The following GRIA1 variants were observed in gnomAD, a reference collection of about 807,000 sequenced individuals.
GRIA1 encodes glutamate receptor 1.
Under a neutral mutation model 99.2 loss-of-function variants are expected in GRIA1, and 31 were observed. That is an observed-to-expected ratio of 0.31 (90% CI 0.23 to 0.42). The LOEUF (loss-of-function observed/expected upper bound fraction) is 0.42. GRIA1 is among the 10% of genes least tolerant of loss of function. GRIA1 has a pLI of 1.00. For missense variants in GRIA1, 782 were observed against 1,157.5 expected, an observed-to-expected ratio of 0.68 and a Z score of 4.71; for synonymous variants, 438 against 432.4, an observed-to-expected ratio of 1.01 and a Z score of -0.16.
chr5:153,749,095 G>T (rs972981465), intron 11 of GRIA1, among the ~76,000 whole-genome samples: 5 of 152,156 alleles, frequency 3.3e-5, no homozygotes, highest in Non-Finnish European at 7.3e-5. Flanking sequence ...GAGACAACCA[G>T]CAAAGATAAG....
At chr5:153,675,605 T>A (rs925318218) in intron 6 of GRIA1, among the ~76,000 whole-genome samples, 4 of 152,218 alleles carry the variant, frequency 2.6e-5, no homozygotes, top group Non-Finnish European at 5.9e-5. Context: ...TGACAGACTT[T>A]CTCTTGCCAC....
intron 2 of GRIA1, among the ~76,000 whole-genome samples, chr5:153,622,425 T>C (rs1323023897): frequency 1.3e-5 from 2 of 152,176 alleles, no homozygotes; most frequent in East Asian, 3.8e-4. Flanking sequence ...ACCCAAAACA[T>C]AATCAAATAG....
At chr5:153,524,065 C>T (rs1757391448) in intron 2 of GRIA1, among the ~76,000 whole-genome samples, 1 of 152,198 alleles carries the variant, frequency 6.6e-6, no homozygotes, top group African/African-American at 2.4e-5. Flanking sequence ...CAGTGGCTCA[C>T]GCCTGTAATC....
intron 11 of GRIA1, among the ~76,000 whole-genome samples, chr5:153,737,128 G>A (rs1318126490): frequency 6.6e-6 from 1 of 152,014 alleles, no homozygotes; most frequent in Non-Finnish European, 1.5e-5. Context: ...GGAATGTGGT[G>A]ATATGAAGTA....
At chr5:153,783,224 A>G (rs1487150034) in intron 13 of GRIA1, among the ~76,000 whole-genome samples, 1 of 152,194 alleles carries the variant, frequency 6.6e-6, no homozygotes, top group Non-Finnish European at 1.5e-5. Flanking sequence ...TCATTGAACC[A>G]GGGGTGGCTG....
chr5:153,721,209 G>T (rs1318518928), intron 11 of GRIA1, among the ~76,000 whole-genome samples: 1 of 152,170 alleles, frequency 6.6e-6, no homozygotes, highest in Admixed American at 6.5e-5. Context: ...GGTGATGCTT[G>T]TTTTTATTTA....
intron 11 of GRIA1, among the ~76,000 whole-genome samples, chr5:153,728,279 C>T (rs1389138869): frequency 6.6e-6 from 1 of 150,770 alleles, no homozygotes; most frequent in East Asian, 2.0e-4. Context: ...CCATAAAAAC[C>T]CTAGAAGAAA....
intron 11 of GRIA1, among the ~76,000 whole-genome samples, chr5:153,755,080 AC>A (rs1343387786): frequency 1.3e-5 from 2 of 152,166 alleles, no homozygotes; most frequent in African/African-American, 4.8e-5. Context: ...GAGGGGCCAA[AC>A]AAAGAGCAGT....
intron 11 of GRIA1, among the ~76,000 whole-genome samples, chr5:153,712,189 T>C (rs959067533): frequency 1.3e-5 from 2 of 152,192 alleles, no homozygotes; most frequent in African/African-American, 4.8e-5. Context: ...GTAGCTGGCA[T>C]TACAGGCGTG....
chr5:153,792,189 T>A (rs1177465228), intron 13 of GRIA1, among the ~76,000 whole-genome samples: 1 of 152,218 alleles, frequency 6.6e-6, no homozygotes, highest in Non-Finnish European at 1.5e-5. Context: ...AGTCCCTTGT[T>A]GGACCTGATT....
intron 11 of GRIA1, among the ~76,000 whole-genome samples, chr5:153,758,564 G>A (rs1439616947): frequency 6.6e-6 from 1 of 151,836 alleles, no homozygotes; most frequent in Non-Finnish European, 1.5e-5. Context: ...AAATATGTAA[G>A]CAAATATTAA....
chr5:153,559,044 T>C (rs899568922), intron 2 of GRIA1, among the ~76,000 whole-genome samples: 13 of 152,188 alleles, frequency 8.5e-5, no homozygotes, highest in African/African-American at 3.1e-4. Flanking sequence ...CTGTGTGACA[T>C]TGCCAGCCTT....
chr5:153,727,869 A>G (rs1267038975), intron 11 of GRIA1, among the ~76,000 whole-genome samples: 10 of 151,646 alleles, frequency 6.6e-5, no homozygotes, highest in Non-Finnish European at 1.0e-4. Context: ...TCTTCACAGA[A>G]TTGGAAAAAC....
intron 2 of GRIA1, among the ~76,000 whole-genome samples, chr5:153,593,140 G>T (rs778822): frequency 0.65 from 99,383 of 152,060 alleles, 34,308 homozygotes; most frequent in East Asian, 0.93. Context: ...GGTAACACAT[G>T]CCCGTAGTCG....
rs547495740 is a variant in GRIA1 at position 153,585,839 on chromosome 5, C to T, written c.221-61089C>T. Among the ~76,000 whole-genome samples, 78 of 152,222 alleles carry T rather than the reference C, an allele frequency of 5.1e-4. 1 individual carries two copies. In the South Asian group the frequency reaches 0.016, roughly 30 times the overall value. On this transcript the variant is annotated intron_variant, in intron 2 of 15. Transcript: ENST00000285900. ...ATTCTCACCCATTAAGAGATAGTGA[C>T]TATCGCTATCATAAGATAGTCACTA...
chr5:153,618,853 C>T (rs183333392), intron 2 of GRIA1, among the ~76,000 whole-genome samples: 40 of 152,318 alleles, frequency 2.6e-4, no homozygotes, highest in African/African-American at 9.6e-4. Context: ...GTATATTATG[C>T]TCTTTTTATA....
At chr5:153,519,120 C>T (rs1234201182) in intron 2 of GRIA1, among the ~76,000 whole-genome samples, 7 of 151,976 alleles carry the variant, frequency 4.6e-5, no homozygotes, top group African/African-American at 1.4e-4. Context: ...AAAAATTAGC[C>T]GGGCATGATG....
intron 2 of GRIA1, among the ~76,000 whole-genome samples, chr5:153,578,148 CAAAAAAAAAAA>C (rs60901793): frequency 5.8e-5 from 4 of 69,322 alleles, no homozygotes; most frequent in African/African-American, 2.0e-4. Flanking sequence ...GAGACTCTGT[CAAAAAAAAAAA>C]AAAAAAAAAA....
In GRIA1 at chr5:153,621,509, C is replaced by A. The variant is rs150893864; in HGVS notation, c.221-25419C>A. Among the ~76,000 whole-genome samples, 289 of 152,218 alleles carry A rather than the reference C, an allele frequency of 1.9e-3. 3 individuals carry two copies. Among genetic ancestry groups the A allele is most frequent in the African/African-American group, 6.5e-3 (268 of 41,532 alleles). On this transcript the variant is annotated intron_variant, in intron 2 of 15. Coordinates refer to ENST00000285900, the MANE Select transcript of GRIA1 (RefSeq NM_000827.4). The stretch of plus-strand genomic sequence containing the variant: ...GAAAGCAGCTGAAACTCAGAACTGA[C>A]CCTTACATCAGAAACCATGTGGTAT...
Sources: gnomAD v4.1 joint callset for allele counts (sites outside exome capture counted in the v4.1 genomes callset) on GRCh38, gnomAD v4.1.1 for gene constraint, MANE v1.5 for transcripts, NCBI Gene and HGNC (gene_info 2026-07-23, HGNC 2026-07-21) for gene names.